CYP2C8: variants seen among roughly 807,000 people sequenced by gnomAD.
The protein encoded by CYP2C8 is cytochrome P450 family 2 subfamily C member 8.
CYP2C8 carries 51 observed loss-of-function variants against 41.3 expected under a neutral mutation model. That is an observed-to-expected ratio of 1.24 (90% CI 0.99 to 1.56). The LOEUF is 1.56. Among genes scored for constraint, CYP2C8 ranks in the 40% most tolerant of loss-of-function variants. CYP2C8 has a pLI of 0.00. For missense variants in CYP2C8, 651 were observed against 579.9 expected (o/e 1.12, Z -1.26); for synonymous variants, 218 against 205.8 (o/e 1.06, Z -0.51).
At chr10:95,063,890 T>C (rs752005123) in intron 4 of CYP2C8, among the ~76,000 whole-genome samples, 2 of 152,060 alleles carry the variant, frequency 1.3e-5, no homozygotes, top group Non-Finnish European at 2.9e-5. Flanking sequence ...CTGCTGGAGG[T>C]CCACTCCAGA....
chr10:95,042,958 G>T lies in CYP2C8; in HGVS notation c.1081C>A (p.Leu361Ile), dbSNP rs45438799. Residue 361 changes from leucine to isoleucine, a missense_variant, in exon 7 of 9, where the codon CTT becomes ATT. By Grantham distance (5) the Leu-to-Ile change is conservative. Transcript: ENST00000371270. ...GCATGGGGCACACCGGTGGGGACAA[G>T]GTCACTGTATCTCTGGATCTCGTGC... ...VVHEIQRYSD[L>I]VPTGVPHAVT... 4.3e-6 allele frequency: 7 copies of T among 1,614,072 alleles called. No homozygotes were observed. The highest frequency in any genetic ancestry group is 5.9e-6 in the Non-Finnish European group (7 of 1,180,006).
At chr10:95,041,401 G>A (rs2032993196) in intron 7 of CYP2C8, among the ~76,000 whole-genome samples, 2 of 152,212 alleles carry the variant, frequency 1.3e-5, no homozygotes, top group South Asian at 4.1e-4. Context: ...CTATGAGAAT[G>A]ATTTTTGATA....
chr10:95,069,443 C>G lies in CYP2C8; in HGVS notation c.-41G>C. The G allele has an allele frequency of 6.4e-7, 1 of 1,571,958 alleles. No homozygotes were observed. Among genetic ancestry groups the G allele is most frequent in the Non-Finnish European group, 8.7e-7 (1 of 1,143,152 alleles). On this transcript the variant is annotated 5_prime_UTR_variant, in exon 1 of 9. Coordinates refer to ENST00000371270, the MANE Select transcript of CYP2C8 (RefSeq NM_000770.3). ...TTATTAAGACAGCTGTGAGCTTGCA[C>G]TCCAAAGTTTTTATAACACTCCCTG...
In CYP2C8 at chr10:95,058,560, A is replaced by G. The variant is rs1268590636; in HGVS notation, c.643-49T>C. On this transcript the variant is annotated intron_variant, in intron 4 of 8. Coordinates refer to ENST00000371270, the MANE Select transcript of CYP2C8 (RefSeq NM_000770.3). ...TATAAACATGTCATAAGATATATGT[A>G]TCTTACACCAAGCCCTGATTGAAAT... 4.1e-6 allele frequency: 6 copies of G among 1,470,026 alleles called. No homozygotes were observed. The African/African-American group carries it at 5.6e-5, about 14-fold the overall frequency. The allele number at this position is 1,470,026 out of a possible 1,614,324, so 91.1% of individuals were successfully genotyped here.
chr10:95,063,898 A>G (rs2033496798), intron 4 of CYP2C8, among the ~76,000 whole-genome samples: 1 of 152,234 alleles, frequency 6.6e-6, no homozygotes, highest in Non-Finnish European at 1.5e-5. Flanking sequence ...GGTCCACTCC[A>G]GACCCTGTTT....
In CYP2C8 at chr10:95,067,700, G is replaced by A. The variant is rs776892531; in HGVS notation, c.169-9C>T. On this transcript the variant is annotated splice_polypyrimidine_tract_variant and intron_variant, in intron 1 of 8. Transcript: ENST00000371270. Reference sequence around the variant, plus strand: ...CCATAGACTTTTGAGAACTGGGAAAGGAAATGCAAATAGCAGCAAAATAAG... The same window carrying A: ...CCATAGACTTTTGAGAACTGGGAAAAGAAATGCAAATAGCAGCAAAATAAG... 1.9e-6 allele frequency: 3 copies of A among 1,613,902 alleles called. No individual in the cohort carries two copies. Among genetic ancestry groups the A allele is most frequent in the Admixed American group, 1.7e-5 (1 of 59,952 alleles).
intron 6 of CYP2C8, among the ~76,000 whole-genome samples, chr10:95,043,850 A>G (rs2033056505): frequency 7.2e-6 from 1 of 138,878 alleles, no homozygotes; most frequent in African/African-American, 2.9e-5. Context: ...ATCATTCTAA[A>G]TATACTCACA....
At chr10:95,039,159 C>A (rs1397081294) in intron 7 of CYP2C8, 121 bp from the exon 8 acceptor site, 2 of 907,154 alleles carry the variant, frequency 2.2e-6, no homozygotes, top group African/African-American at 1.6e-5. Flanking sequence ...TCCAGCCAGA[C>A]ACAGTAATTT....
intron 4 of CYP2C8, among the ~76,000 whole-genome samples, chr10:95,064,402 C>T (rs150057189): frequency 3.9e-5 from 6 of 152,310 alleles, no homozygotes; most frequent in African/African-American, 9.6e-5. Context: ...ATGAGTGAGG[C>T]TTCGTGGGCA....
intron 8 of CYP2C8, among the ~76,000 whole-genome samples, chr10:95,037,630 C>G (rs2032913041): frequency 1.3e-5 from 2 of 152,198 alleles, no homozygotes; most frequent in South Asian, 4.1e-4. Flanking sequence ...TAAAACAGCT[C>G]TTTTGCCATT....
chr10:95,062,259 T>C (rs185298213), intron 4 of CYP2C8, among the ~76,000 whole-genome samples: 9 of 152,202 alleles, frequency 5.9e-5, no homozygotes, highest in Non-Finnish European at 5.9e-5. Context: ...CTCCCATTAT[T>C]GTTGTGTGGG....
chr10:95,044,276 T>A (rs1008903181), intron 6 of CYP2C8, among the ~76,000 whole-genome samples: 26 of 152,352 alleles, frequency 1.7e-4, no homozygotes, highest in South Asian at 6.2e-4. Context: ...ATACTTTTTT[T>A]CTATGAATAC....
At chr10:95,054,458 G>T (rs928257993) in intron 5 of CYP2C8, among the ~76,000 whole-genome samples, 1 of 152,040 alleles carries the variant, frequency 6.6e-6, no homozygotes, top group African/African-American at 2.4e-5. Flanking sequence ...ATATCAAATT[G>T]TGAAAATCTA....
chr10:95,038,016 A>C (rs1184385663), intron 8 of CYP2C8, among the ~76,000 whole-genome samples: 1 of 152,220 alleles, frequency 6.6e-6, no homozygotes, highest in Non-Finnish European at 1.5e-5. Flanking sequence ...TTGTGGTAAA[A>C]TGTGAATTCT....
chr10:95,063,172 T>C (rs1334013644), intron 4 of CYP2C8, among the ~76,000 whole-genome samples: 2 of 152,190 alleles, frequency 1.3e-5, no homozygotes, highest in African/African-American at 4.8e-5. Context: ...TTTCCTGAAT[T>C]TGAATGTTAG....
At chr10:95,051,034 T>C (rs748182926) in intron 5 of CYP2C8, among the ~76,000 whole-genome samples, 8 of 152,182 alleles carry the variant, frequency 5.3e-5, no homozygotes, top group Non-Finnish European at 8.8e-5. Context: ...AACAGAGATG[T>C]GTGATCTTTC....
chr10:95,038,104 A>G (rs2032922212), intron 8 of CYP2C8, among the ~76,000 whole-genome samples: 1 of 152,226 alleles, frequency 6.6e-6, no homozygotes, highest in South Asian at 2.1e-4. Context: ...TCAAAGAATA[A>G]AGGAAGGAGA....
At chr10:95,054,145 A>G (rs1045021857) in intron 5 of CYP2C8, among the ~76,000 whole-genome samples, 19 of 152,246 alleles carry the variant, frequency 1.2e-4, no homozygotes, top group African/African-American at 4.6e-4. Flanking sequence ...TTAGACAAGA[A>G]AGAGAAATAA....
chr10:95,047,635 T>C (rs1467837739), intron 5 of CYP2C8, among the ~76,000 whole-genome samples: 1 of 152,106 alleles, frequency 6.6e-6, no homozygotes, highest in Non-Finnish European at 1.5e-5. Context: ...GAAATGGCAA[T>C]TATTAATACA....
Sources: allele counts gnomAD v4.1 joint callset (sites outside exome capture counted in the v4.1 genomes callset), GRCh38; gene constraint gnomAD v4.1.1; transcripts MANE v1.5; gene names NCBI Gene and HGNC (gene_info 2026-07-23, HGNC 2026-07-21).